Variants in RAB3C observed in about 807,000 individuals in gnomAD.
RAB3C encodes RAB3C, member RAS oncogene family.
Under a neutral mutation model 26.4 loss-of-function variants are expected in RAB3C, and 17 were observed. The observed-to-expected ratio is 0.64, with a 90% CI of 0.44 to 0.97. RAB3C has a LOEUF of 0.97. RAB3C is among the 50% of genes least tolerant of loss of function. The pLI is 0.00. For synonymous variants in RAB3C, 91 were observed against 95.9 expected, an observed-to-expected ratio of 0.95 and a Z score of 0.30; for missense variants, 242 against 281.9, an observed-to-expected ratio of 0.86 and a Z score of 1.01.
intron 2 of RAB3C, among the ~76,000 whole-genome samples, chr5:58,652,773 T>C (rs893020233): frequency 1.3e-5 from 2 of 152,072 alleles, no homozygotes; most frequent in African/African-American, 4.8e-5. Context: ...GCCAGTACCT[T>C]GGCTTTAATT....
At position 58,833,357 on chromosome 5, in the gene RAB3C, CACACAT is replaced by C. The variant is rs903691937; in HGVS notation, c.496+8197_496+8202del. Among the ~76,000 whole-genome samples, 10 of 152,008 alleles carry C rather than the reference CACACAT, an allele frequency of 6.6e-5. No individual in the cohort carries two copies. The East Asian group carries it at 1.7e-3, about 26-fold the overall frequency. The stretch of plus-strand genomic sequence containing the variant: ...ACACACACACACACACACACACACA[CACACAT>C]ATTAAGTAAATCAGAATATCTGAAG... On this transcript the variant is annotated intron_variant, in intron 4 of 4. Coordinates refer to ENST00000282878, the MANE Select transcript of RAB3C (RefSeq NM_138453.4).
rs115538311 is a variant in RAB3C, at chr5:58,768,363, T to G, written c.371+42243T>G. 2.9e-3 allele frequency among the ~76,000 whole-genome samples: 440 copies of G among 152,250 alleles called. 3 individuals are homozygous for G. The highest frequency in any genetic ancestry group is 9.8e-3 in the African/African-American group (408 of 41,558). ...ATAAATTTCTTTGCCATATTTCTTA[T>G]GTAGTTGAGTGGATCAGTTAATCAC... On this transcript the variant is annotated intron_variant, in intron 3 of 4. Coordinates refer to ENST00000282878, the MANE Select transcript of RAB3C (RefSeq NM_138453.4).
At chr5:58,649,452 G>A (rs1747596661) in intron 2 of RAB3C, among the ~76,000 whole-genome samples, 1 of 151,818 alleles carries the variant, frequency 6.6e-6, no homozygotes, top group African/African-American at 2.4e-5. Flanking sequence ...GTACCTTCCT[G>A]AAGTGCTTCA....
chr5:58,754,885 C>CCT (rs1741620899), intron 3 of RAB3C, among the ~76,000 whole-genome samples: 1 of 149,510 alleles, frequency 6.7e-6, no homozygotes, highest in African/African-American at 2.5e-5. Context: ...CCTTATTCTC[C>CCT]TTTTTTTTTT....
At chr5:58,850,344 A>T (rs533957119) in intron 4 of RAB3C, among the ~76,000 whole-genome samples, 1 of 152,346 alleles carries the variant, frequency 6.6e-6, no homozygotes, top group East Asian at 1.9e-4. Context: ...CTGCTGATAG[A>T]TAACAGAAGC....
intron 3 of RAB3C, among the ~76,000 whole-genome samples, chr5:58,757,508 C>A (rs141156467): frequency 1.3e-5 from 2 of 152,222 alleles, no homozygotes; most frequent in Non-Finnish European, 2.9e-5. Flanking sequence ...GATAGCCTTT[C>A]GTGATCACTT....
chr5:58,753,733 A>G (rs1245413740), intron 3 of RAB3C, among the ~76,000 whole-genome samples: 2 of 152,150 alleles, frequency 1.3e-5, no homozygotes. Context: ...AAGAGACAAG[A>G]ACAGAACCAA....
At position 58,617,374 on chromosome 5, in the gene RAB3C, G is replaced by T. The variant is rs1300826417; in HGVS notation, c.25-269G>T. 8 of 640,586 alleles carry T rather than the reference G, an allele frequency of 1.2e-5. No individual in the cohort carries two copies. The Admixed American group carries it at 1.7e-4, about 14-fold the overall frequency. The allele number at this position is 640,586 out of a possible 1,614,324, so 39.7% of individuals were successfully genotyped here. On this transcript the variant is annotated intron_variant, in intron 1 of 4. Coordinates refer to ENST00000282878, the MANE Select transcript of RAB3C (RefSeq NM_138453.4). Reference sequence around the variant, plus strand: ...GTTACCCTTATAGACATCCCCTTTGGTGTCTTTGATTGGTTCTGAATGCTG... The same window carrying T: ...GTTACCCTTATAGACATCCCCTTTGTTGTCTTTGATTGGTTCTGAATGCTG...
chr5:58,785,449 T>G (rs1218124516), intron 3 of RAB3C, among the ~76,000 whole-genome samples: 1 of 152,248 alleles, frequency 6.6e-6, no homozygotes, highest in Non-Finnish European at 1.5e-5. Context: ...CTTTGCATAT[T>G]ACCTCTGTAC....
In RAB3C at chr5:58,817,973, T is replaced by C. The variant is rs534967833; in HGVS notation, c.372-7065T>C. Among the ~76,000 whole-genome samples, 24 of 152,332 alleles carry C rather than the reference T, an allele frequency of 1.6e-4. 3 individuals are homozygous for C. Among genetic ancestry groups the C allele is most frequent in the African/African-American group, 5.0e-4 (21 of 41,588 alleles). On this transcript the variant is annotated intron_variant, in intron 3 of 4. Transcript: ENST00000282878. ...ATGGATGCAGTAGAGCAATATTAGCTTCCAGAATTAGAAAGGGCCTGCTAT... is the reference window on the plus strand; with the variant it reads ...ATGGATGCAGTAGAGCAATATTAGCCTCCAGAATTAGAAAGGGCCTGCTAT...
intron 2 of RAB3C, among the ~76,000 whole-genome samples, chr5:58,707,762 T>A (rs955707821): frequency 3.3e-5 from 5 of 152,152 alleles, no homozygotes; most frequent in Non-Finnish European, 5.9e-5. Flanking sequence ...AATTGCCAAA[T>A]GTAATTTATA....
chr5:58,672,828 C>T (rs1421050600), intron 2 of RAB3C, among the ~76,000 whole-genome samples: 1 of 152,122 alleles, frequency 6.6e-6, no homozygotes, highest in African/African-American at 2.4e-5. Flanking sequence ...ACATAACCTA[C>T]TTAGTTTCGA....
chr5:58,630,246 G>C (rs1049089337), intron 2 of RAB3C, among the ~76,000 whole-genome samples: 3 of 152,188 alleles, frequency 2.0e-5, no homozygotes, highest in Non-Finnish European at 2.9e-5. Context: ...TTGGCTTGTA[G>C]GGCTGTTTTA....
intron 3 of RAB3C, among the ~76,000 whole-genome samples, chr5:58,761,092 A>G (rs954676428): frequency 4.1e-5 from 4 of 97,796 alleles, no homozygotes; most frequent in African/African-American, 1.4e-4. Context: ...CACACACAGC[A>G]CAAACCATTT....
intron 2 of RAB3C, among the ~76,000 whole-genome samples, chr5:58,674,232 C>T (rs1426106967): frequency 6.6e-6 from 1 of 152,106 alleles, no homozygotes; most frequent in Non-Finnish European, 1.5e-5. Flanking sequence ...TTTGAATGTT[C>T]TATGTGAATC....
chr5:58,664,898 A>C (rs529290307), intron 2 of RAB3C, among the ~76,000 whole-genome samples: 1 of 151,692 alleles, frequency 6.6e-6, no homozygotes, highest in African/African-American at 2.4e-5. Context: ...TCCTAACCAC[A>C]CTTGGCTTCT....
At chr5:58,756,347 T>TTA (rs751608748) in intron 3 of RAB3C, among the ~76,000 whole-genome samples, 5,083 of 136,182 alleles carry the variant, frequency 0.037, 89 homozygotes, top group Non-Finnish European at 0.055. Context: ...CATATATATG[T>TTA]TATATATATA....
intron 1 of RAB3C, among the ~76,000 whole-genome samples, chr5:58,588,268 T>C (rs1277081328): frequency 6.6e-6 from 1 of 152,168 alleles, no homozygotes; most frequent in East Asian, 1.9e-4. Context: ...TTAAGCTTTA[T>C]AAGAAACAAT....
rs117631617 is a variant in RAB3C, at chr5:58,615,303, T to C, written c.25-2340T>C. On this transcript the variant is annotated intron_variant, in intron 1 of 4. Coordinates refer to ENST00000282878, the MANE Select transcript of RAB3C (RefSeq NM_138453.4). ...TCTAGGAAATATATAGTGTCTCTTT[T>C]CTGGCTGTGGCTTAGCTGAACATTC... is the stretch of plus-strand genomic sequence containing the variant. Among the ~76,000 whole-genome samples, 9 of 152,274 alleles carry C rather than the reference T, an allele frequency of 5.9e-5. No individual in the cohort carries two copies. The East Asian group carries it at 1.7e-3, about 29-fold the overall frequency.
Sources: allele counts gnomAD v4.1 joint callset (sites outside exome capture counted in the v4.1 genomes callset), GRCh38; gene constraint gnomAD v4.1.1; transcripts MANE v1.5; gene names NCBI Gene and HGNC (gene_info 2026-07-23, HGNC 2026-07-21).